DHX35: variants seen among roughly 807,000 people sequenced by gnomAD.
DHX35 encodes probable ATP-dependent RNA helicase DHX35.
Under a neutral mutation model 99.6 loss-of-function variants are expected in DHX35, and 84 were observed. The ratio of observed to expected loss-of-function variants is 0.84; its 90% CI spans 0.71 to 1.01. DHX35 has a LOEUF of 1.01. Among genes scored for constraint, DHX35 ranks in the 50% least tolerant of loss-of-function variants. DHX35 has a pLI of 0.00. For missense variants in DHX35, 852 were observed against 888.5 expected (o/e 0.96, Z 0.52); for synonymous variants, 331 against 316.2 (o/e 1.05, Z -0.50).
rs371924882 is a variant in DHX35 at position 39,003,748 on chromosome 20, G to C, written c.853-1G>C. Reference sequence around the variant, plus strand: ...TTTGGTTCCTGGTTCAACGTCTTTAGGAAGAGGTAGAAACTGTTGTGTCGA... The same window carrying C: ...TTTGGTTCCTGGTTCAACGTCTTTACGAAGAGGTAGAAACTGTTGTGTCGA... On this transcript the variant is annotated splice_acceptor_variant, in intron 10 of 21. Transcript: ENST00000252011. LOFTEE classifies it high-confidence loss of function. 83 of 1,607,554 alleles carry C rather than the reference G, an allele frequency of 5.2e-5. No homozygotes were observed. Among genetic ancestry groups the C allele is most frequent in the Non-Finnish European group, 6.7e-5 (79 of 1,174,704 alleles).
chr20:39,010,365 A>T lies in DHX35; in HGVS notation c.1308A>T (p.Ala436=). ...NLAPVILQLK[A]LGIDNVLRFH... ...CACCTGTCATCCTGCAGCTGAAAGCACTAGGAATTGACAATGTCCTCAGGT... is the reference window on the plus strand; with the variant it reads ...CACCTGTCATCCTGCAGCTGAAAGCTCTAGGAATTGACAATGTCCTCAGGT... The change falls in exon 13 of 22, where the codon GCA becomes GCT. Residue 436 remains alanine, a synonymous_variant. Coordinates refer to ENST00000252011, the MANE Select transcript of DHX35 (RefSeq NM_021931.4). 1.2e-6 allele frequency: 2 copies of T among 1,614,168 alleles called. No homozygotes were observed. Among genetic ancestry groups the T allele is most frequent in the Middle Eastern group, 3.3e-4 (2 of 6,062 alleles).
chr20:39,022,651 A>T (rs1489658296), intron 16 of DHX35, among the ~76,000 whole-genome samples: 1 of 152,232 alleles, frequency 6.6e-6, no homozygotes, highest in African/African-American at 2.4e-5. Context: ...CATTAGTGAC[A>T]TAAGAAGTCA....
chr20:38,983,444 A>G (rs1017507757), intron 3 of DHX35, among the ~76,000 whole-genome samples: 1 of 152,192 alleles, frequency 6.6e-6, no homozygotes, highest in Non-Finnish European at 1.5e-5. Flanking sequence ...GTGATTTTCC[A>G]GGACTGGGGT....
At chr20:38,972,152 G>A (rs147410995) in intron 2 of DHX35, among the ~76,000 whole-genome samples, 1 of 151,948 alleles carries the variant, frequency 6.6e-6, no homozygotes, top group African/African-American at 2.4e-5. Flanking sequence ...TAGTATTACA[G>A]GCACTTTCCA....
intron 18 of DHX35, 119 bp downstream of exon 18, chr20:39,025,478 G>C (rs2145937156): frequency 8.2e-7 from 1 of 1,216,378 alleles, no homozygotes; most frequent in East Asian, 2.7e-5. Context: ...CCAACACTGG[G>C]TTTTATATTT....
At chr20:38,988,263 T>C (rs1239746224) in intron 4 of DHX35, among the ~76,000 whole-genome samples, 6 of 152,248 alleles carry the variant, frequency 3.9e-5, no homozygotes, top group Non-Finnish European at 8.8e-5. Flanking sequence ...AACATTTTTA[T>C]GTGATTTTGT....
At chr20:38,967,747 A>G (rs2085930936) in intron 1 of DHX35, among the ~76,000 whole-genome samples, 1 of 152,012 alleles carries the variant, frequency 6.6e-6, no homozygotes, top group South Asian at 2.1e-4. Flanking sequence ...CTCTTGTTTA[A>G]TCTGCCCAGC....
rs1005717518 is a variant in DHX35, at chr20:39,019,043, C to T, written c.1498+144C>T. 12 of 713,108 alleles carry T rather than the reference C, an allele frequency of 1.7e-5. No individual in the cohort carries two copies. The African/African-American group carries it at 2.0e-4, about 12-fold the overall frequency. 44.2% of individuals were successfully genotyped at this position (713,108 alleles called of 1,614,324 possible). On this transcript the variant is annotated intron_variant, in intron 15 of 21. Coordinates refer to ENST00000252011, the MANE Select transcript of DHX35 (RefSeq NM_021931.4). ...TGTAACATAACATTTATTGTTTTAA[C>T]CATTTTATGTGTGTAGTTCTGTGAT...
chr20:38,972,558 G>C lies in DHX35; in HGVS notation c.175-1G>C. 6.3e-7 allele frequency: 1 copy of C among 1,596,488 alleles called. No homozygotes were observed. Among genetic ancestry groups the C allele is most frequent in the Non-Finnish European group, 8.6e-7 (1 of 1,164,856 alleles). On this transcript the variant is annotated splice_acceptor_variant, in intron 2 of 21. Transcript: ENST00000252011. LOFTEE classifies it high-confidence loss of function. ...TTGCAAGGTGTGTTATTCTTTTTCA[G>C]CTTAGGAATCATATTTTATACTTGA...
At chr20:38,994,430 C>T (rs2086392414) in intron 7 of DHX35, among the ~76,000 whole-genome samples, 1 of 151,124 alleles carries the variant, frequency 6.6e-6, no homozygotes, top group Non-Finnish European at 1.5e-5. Context: ...TTGGTGTTAT[C>T]ATTTATTGTT....
chr20:39,010,499 T>A (rs987727932), intron 13 of DHX35, 95 bp downstream of exon 13: 3 of 1,515,024 alleles, frequency 2.0e-6, no homozygotes, highest in Non-Finnish European at 2.7e-6. Flanking sequence ...CTTTCCTTTT[T>A]TTCCCTACTC....
At chr20:39,030,451 TC>T in intron 19 of DHX35, 1 of 497,730 alleles carries the variant, frequency 2.0e-6, no homozygotes, top group Non-Finnish European at 3.6e-6. Context: ...AGCATTTTAT[TC>T]CTAAATGTTT....
chr20:39,037,939 T>C (rs1288550321), intron 21 of DHX35, among the ~76,000 whole-genome samples: 1 of 152,078 alleles, frequency 6.6e-6, no homozygotes, highest in East Asian at 1.9e-4. Flanking sequence ...AAAAAAAGTG[T>C]CACTAGGAGG....
chr20:38,997,887 AG>A (rs1390843494), intron 8 of DHX35, among the ~76,000 whole-genome samples: 12 of 152,324 alleles, frequency 7.9e-5, no homozygotes, highest in African/African-American at 2.6e-4. Flanking sequence ...AGGGAAGTCC[AG>A]AACTCATCCC....
intron 7 of DHX35, among the ~76,000 whole-genome samples, chr20:38,993,910 T>C (rs528279557): frequency 7.9e-5 from 12 of 152,284 alleles, no homozygotes; most frequent in Non-Finnish European, 1.5e-4. Context: ...TGTGAGGTTC[T>C]TTTGTGCAAA....
chr20:38,989,853 T>G (rs1441627373), intron 5 of DHX35, among the ~76,000 whole-genome samples: 1 of 152,180 alleles, frequency 6.6e-6, no homozygotes, highest in Non-Finnish European at 1.5e-5. Flanking sequence ...ACCACCGTGC[T>G]AGAATCAAAG....
intron 13 of DHX35, among the ~76,000 whole-genome samples, chr20:39,011,895 A>G (rs772809996): frequency 2.3e-4 from 35 of 152,212 alleles, no homozygotes; most frequent in South Asian, 1.2e-3. Context: ...TGTACTTACC[A>G]TAAGTATAGG....
At position 38,988,858 on chromosome 20, in the gene DHX35, G is replaced by C. The variant is rs1243578098; in HGVS notation, c.391G>C (p.Glu131Gln). Residue 131 changes from glutamate (E) to glutamine (Q), a missense_variant, in exon 5 of 22, where the codon GAG (glutamate) becomes CAG (glutamine). Transcript: ENST00000252011. ...AEERGAVLGH[E>Q]VGYCIRFDDC... is the part of the protein sequence containing the mutation. ...AGAAAGGGGTGCAGTGCTGGGCCAC[G>C]AGGTGGGCTACTGCATCCGCTTTGA... is the stretch of plus-strand genomic sequence containing the variant. The C allele has an allele frequency of 6.2e-7, 1 of 1,613,700 alleles. No homozygotes were observed. Among genetic ancestry groups the C allele is most frequent in the African/African-American group, 1.3e-5 (1 of 74,896 alleles).
Position 39,038,773 on chromosome 20 carries a change from C to T in DHX35, c.*230C>T, listed in dbSNP as rs767807823. The T allele has an allele frequency of 7.3e-5, 42 of 574,764 alleles. No homozygotes were observed. The highest frequency in any genetic ancestry group is 1.1e-4 in the Non-Finnish European group (37 of 321,900). The allele number at this position is 574,764 out of a possible 1,614,324, so 35.6% of individuals were successfully genotyped here. A position where few individuals can be genotyped will look rare whatever the true frequency, so the allele number is the denominator to read the frequency against. On this transcript the variant is annotated 3_prime_UTR_variant, in exon 22 of 22. Transcript: ENST00000252011. ...GGGCAGGCATCCTTCTGTGCTGCAG[C>T]GGGCAGAGTGGGAGTTGGCTCACTC...
Sources: allele counts gnomAD v4.1 joint callset (sites outside exome capture counted in the v4.1 genomes callset), GRCh38; gene constraint gnomAD v4.1.1; transcripts MANE v1.5; gene names NCBI Gene and HGNC (gene_info 2026-07-23, HGNC 2026-07-21).